DSCAM: variants seen among roughly 807,000 people sequenced by gnomAD.
The protein encoded by DSCAM is cell adhesion molecule DSCAM.
A neutral mutation model predicts 217.7 loss-of-function variants in DSCAM; 47 were observed. That is an observed-to-expected ratio of 0.22 (90% CI 0.17 to 0.28). The LOEUF is 0.28. Among genes scored for constraint, DSCAM ranks in the 10% least tolerant of loss-of-function variants. DSCAM has a pLI of 1.00. For synonymous variants in DSCAM, 1,056 were observed against 1,015.3 expected, an observed-to-expected ratio of 1.04 and a Z score of -0.76; for missense variants, 2,080 against 2,618.3, an observed-to-expected ratio of 0.79 and a Z score of 4.49.
intron 1 of DSCAM, among the ~76,000 whole-genome samples, chr21:40,713,399 G>T (rs999810609): frequency 1.3e-5 from 2 of 152,196 alleles, no homozygotes; most frequent in Admixed American, 1.3e-4. Context: ...TTGCTCTCGT[G>T]TGCCTATATG....
chr21:40,254,077 C>A (rs2073340251), intron 11 of DSCAM, among the ~76,000 whole-genome samples: 1 of 152,102 alleles, frequency 6.6e-6, no homozygotes. Context: ...GTAATTAGTG[C>A]CTGAATCAAA....
intron 3 of DSCAM, among the ~76,000 whole-genome samples, chr21:40,578,445 CAGACCAATCAGCACTCT>C (rs2076873402): frequency 4.9e-5 from 2 of 40,880 alleles, no homozygotes; most frequent in Non-Finnish European, 1.2e-4. Flanking sequence ...CTCTGTAAAA[CAGACCAATCAGCACTCT>C]GTAAAACGGA....
intron 1 of DSCAM, among the ~76,000 whole-genome samples, chr21:40,778,960 G>T (rs1157898880): frequency 2.0e-5 from 3 of 149,918 alleles, no homozygotes; most frequent in East Asian, 2.0e-4. Flanking sequence ...GGAGGCAGAG[G>T]TTGCGGTGAG....
Position 40,847,156 on chromosome 21 carries a change from A to G in DSCAM, c.-495T>C, listed in dbSNP as rs1209470355. 7 of 152,388 alleles carry G rather than the reference A, an allele frequency of 4.6e-5. No homozygotes were observed. The South Asian group carries it at 1.2e-3, about 27-fold the overall frequency. The allele number at this position is 152,388 out of a possible 1,614,324, so 9.4% of individuals were successfully genotyped here. A position where few individuals can be genotyped will look rare whatever the true frequency, so the allele number is the denominator to read the frequency against. Reference sequence around the variant, plus strand: ...ACCTTCCCTGCCTGCGAGCCGGGCGAGTGAAGCCGAGCGCGGAGGCGAGCA... The same window carrying G: ...ACCTTCCCTGCCTGCGAGCCGGGCGGGTGAAGCCGAGCGCGGAGGCGAGCA... On this transcript the variant is annotated 5_prime_UTR_variant, in exon 1 of 33. Coordinates refer to ENST00000400454, the MANE Select transcript of DSCAM (RefSeq NM_001389.5).
At chr21:40,732,973 CA>C (rs1475250690) in intron 1 of DSCAM, among the ~76,000 whole-genome samples, 3 of 152,218 alleles carry the variant, frequency 2.0e-5, no homozygotes, top group Non-Finnish European at 2.9e-5. Context: ...ATTACAGCGA[CA>C]GTTAAAGATT....
chr21:40,560,846 G>A (rs929856767), intron 3 of DSCAM, among the ~76,000 whole-genome samples: 2 of 152,200 alleles, frequency 1.3e-5, no homozygotes, highest in African/African-American at 2.4e-5. Flanking sequence ...CCCGGGTAAA[G>A]ATCTAGTTTG....
chr21:40,018,009 A>G (rs913391923), intron 32 of DSCAM, among the ~76,000 whole-genome samples: 3 of 136,078 alleles, frequency 2.2e-5, no homozygotes, highest in Non-Finnish European at 4.7e-5. Flanking sequence ...CTCTTGCCAT[A>G]TAGAATAGCT....
chr21:40,117,430 C>T (rs182329604), intron 20 of DSCAM, among the ~76,000 whole-genome samples: 37 of 152,248 alleles, frequency 2.4e-4, no homozygotes, highest in Admixed American at 1.8e-3. Flanking sequence ...GAGCTCAGCC[C>T]GCTGTGGGTT....
chr21:40,616,506 C>T (rs1187462965), intron 3 of DSCAM, among the ~76,000 whole-genome samples: 1 of 152,190 alleles, frequency 6.6e-6, no homozygotes, highest in Admixed American at 6.5e-5. Flanking sequence ...TGGGCTTAGA[C>T]ACTTGGCTTA....
rs2073427835 is a variant in DSCAM at position 40,259,962 on chromosome 21, T to G, written c.2356+16135A>C. ...CAGGATGGTCTCAATCTCCTGACCT[T>G]GTGATCCGCCCGCCTCGGCCTCCCA... On this transcript the variant is annotated intron_variant, in intron 11 of 32. Transcript: ENST00000400454. Among the ~76,000 whole-genome samples the G allele has an allele frequency of 2.6e-5, 4 of 151,962 alleles. 1 individual carries two copies. The highest frequency in any genetic ancestry group is 1.3e-4 in the Admixed American group (2 of 15,270).
At chr21:40,284,520 A>G (rs1227223918) in intron 10 of DSCAM, among the ~76,000 whole-genome samples, 2 of 152,222 alleles carry the variant, frequency 1.3e-5, no homozygotes, top group Non-Finnish European at 2.9e-5. Context: ...AGAGGCACTT[A>G]AAAACAATTT....
intron 3 of DSCAM, among the ~76,000 whole-genome samples, chr21:40,525,122 G>C (rs984213897): frequency 2.0e-5 from 3 of 151,734 alleles, no homozygotes; most frequent in East Asian, 1.9e-4. Context: ...TTTCAGAAAG[G>C]CTCATCATAA....
At chr21:40,213,254 G>A (rs1156892085) in intron 11 of DSCAM, among the ~76,000 whole-genome samples, 2 of 152,082 alleles carry the variant, frequency 1.3e-5, no homozygotes, top group African/African-American at 4.8e-5. Flanking sequence ...GGCTTCTAGG[G>A]CATATTTTAA....
intron 16 of DSCAM, among the ~76,000 whole-genome samples, chr21:40,155,844 A>G (rs1327876732): frequency 2.6e-5 from 4 of 151,902 alleles, no homozygotes; most frequent in African/African-American, 7.3e-5. Context: ...TGTCTTGATG[A>G]GAAAAGGCAG....
At chr21:40,806,836 C>T (rs2091792197) in intron 1 of DSCAM, among the ~76,000 whole-genome samples, 2 of 152,158 alleles carry the variant, frequency 1.3e-5, no homozygotes, top group South Asian at 2.1e-4. Flanking sequence ...TGGAAACCAT[C>T]ATTCTCAGTA....
chr21:40,243,844 G>C (rs887044245), intron 11 of DSCAM, among the ~76,000 whole-genome samples: 3 of 152,128 alleles, frequency 2.0e-5, no homozygotes, highest in Non-Finnish European at 4.4e-5. Context: ...ATTTCCCCCA[G>C]TGTCATGGAG....
chr21:40,152,131 A>AC (rs1337193022), intron 16 of DSCAM, among the ~76,000 whole-genome samples: 2,145 of 59,902 alleles, frequency 0.036, 30 homozygotes, highest in Non-Finnish European at 0.093. Flanking sequence ...AAAAAAACAC[A>AC]AAAAAAACAA....
In DSCAM at chr21:40,126,318, A is replaced by T. The variant is rs543942683; in HGVS notation, c.3563-1990T>A. Among the ~76,000 whole-genome samples, 26 of 152,170 alleles carry T rather than the reference A, an allele frequency of 1.7e-4. 1 individual carries two copies. The East Asian group carries it at 4.4e-3, about 26-fold the overall frequency. On this transcript the variant is annotated intron_variant, in intron 19 of 32. Coordinates refer to ENST00000400454, the MANE Select transcript of DSCAM (RefSeq NM_001389.5). ...GAAGGAAGAAGGGAAGACAAAAGGA[A>T]AGAAGGATAAAAAAGAAAAGAAAGA...
intron 3 of DSCAM, among the ~76,000 whole-genome samples, chr21:40,400,233 A>C (rs1272315371): frequency 6.6e-6 from 1 of 152,198 alleles, no homozygotes; most frequent in Admixed American, 6.5e-5. Flanking sequence ...AAGATTTTAA[A>C]ATATGTATTT....
Sources: gnomAD v4.1 joint callset for allele counts (sites outside exome capture counted in the v4.1 genomes callset) on GRCh38, gnomAD v4.1.1 for gene constraint, MANE v1.5 for transcripts, NCBI Gene and HGNC (gene_info 2026-07-23, HGNC 2026-07-21) for gene names.